Variants in ACAN observed in about 807,000 individuals in gnomAD.
ACAN encodes the protein aggrecan core protein.
A neutral mutation model predicts 169.1 loss-of-function variants in ACAN; 47 were observed. That is an observed-to-expected ratio of 0.28 (90% CI 0.22 to 0.35). The LOEUF is 0.35. Among genes scored for constraint, ACAN ranks in the 10% least tolerant of loss-of-function variants. The pLI, the probability that ACAN is intolerant of heterozygous loss-of-function variation, is 1.00. For synonymous variants in ACAN, 1,115 were observed against 1,112.2 expected, an observed-to-expected ratio of 1.00 and a Z score of -0.05; for missense variants, 2,716 against 2,759.9, an observed-to-expected ratio of 0.98 and a Z score of 0.36.
In ACAN at chr15:88,854,987, C is replaced by T. The variant is rs766827687; in HGVS notation, c.2402C>T (p.Pro801Leu). 1.3e-6 allele frequency: 2 copies of T among 1,597,974 alleles called. No homozygotes were observed. Among genetic ancestry groups the T allele is most frequent in the South Asian group, 2.3e-5 (2 of 87,706 alleles). Residue 801 changes from proline to leucine, a missense_variant, in exon 12 of 19, where the codon CCC becomes CTC. By Grantham distance (98) the Pro-to-Leu change is moderately conservative. Around this residue, in one of 3 missense-constraint regions of ACAN, gnomAD observed 1,283 missense variants for 1,281.5 expected, o/e 1.00. Coordinates refer to ENST00000560601, the MANE Select transcript of ACAN (RefSeq NM_001369268.1). ...CCATTCCCCTCAGAGGAGCCATCCC[C>T]CTCAGAGGAACCATTCCCCTCAGTG... ...EVPFPSEEPS[P>L]SEEPFPSVRP... is the part of the protein sequence containing the mutation.
At chr15:88,863,675 G>A (rs1371214692) in intron 13 of ACAN, among the ~76,000 whole-genome samples, 1 of 152,116 alleles carries the variant, frequency 6.6e-6, no homozygotes, top group African/African-American at 2.4e-5. Context: ...TCAGTTTCTA[G>A]GTTTGAAGCT....
In ACAN at chr15:88,858,864, A is replaced by G. The variant is rs774155114; in HGVS notation, c.6279A>G (p.Val2093=). The G allele has an allele frequency of 5.0e-6, 8 of 1,612,480 alleles. No homozygotes were observed. The highest frequency in any genetic ancestry group is 6.8e-6 in the Non-Finnish European group (8 of 1,178,940). Residue 2093 remains valine (V), a synonymous_variant, in exon 12 of 19, where the codon GTA becomes GTG. Transcript: ENST00000560601. This position sits in a 1 kb window ranked among gnomAD's most constrained non-coding sequence, Gnocchi z 4.0. ...TPVLPGSGVE[V]SSVPESSSET... ...TGCTCCCTGGGTCTGGAGTAGAAGT[A>G]TCATCAGTCCCAGAATCTAGCAGTG...
Position 88,858,839 on chromosome 15 carries a change from T to C in ACAN, c.6254T>C (p.Val2085Ala), listed in dbSNP as rs1567188035. The C allele has an allele frequency of 3.7e-6, 6 of 1,613,546 alleles. No individual in the cohort carries two copies. Among genetic ancestry groups the C allele is most frequent in the Non-Finnish European group, 5.1e-6 (6 of 1,179,760 alleles). The stretch of plus-strand genomic sequence containing the variant: ...GGGGACATTAGTGGAGCTACCCCAG[T>C]GCTCCCTGGGTCTGGAGTAGAAGTA... ...TAGDISGATP[V>A]LPGSGVEVSS... Residue 2085 changes from valine to alanine, a missense_variant, in exon 12 of 19, where the codon GTG becomes GCG. Val to Ala is a moderately conservative substitution (Grantham distance 64). Around this residue, in one of 3 missense-constraint regions of ACAN, gnomAD observed 1,389 missense variants for 1,363.7 expected, o/e 1.02. Transcript: ENST00000560601. The surrounding 1 kb of genome is among the most constrained non-coding windows in gnomAD (Gnocchi z 4.0).
At position 88,861,407 on chromosome 15, in the gene ACAN, G is replaced by A. The variant is rs1437205689; in HGVS notation, c.6946+968G>A. ...ACCTCATGTCGGGCAATTATCCTTC[G>A]ATAGCCTTTACATCAAACACAGAGA... On this transcript the variant is annotated intron_variant, in intron 13 of 18. Coordinates refer to ENST00000560601, the MANE Select transcript of ACAN (RefSeq NM_001369268.1). This position sits in a 1 kb window ranked among gnomAD's most constrained non-coding sequence, Gnocchi z 6.3. 6.6e-6 allele frequency among the ~76,000 whole-genome samples: 1 copy of A among 151,994 alleles called. No individual in the cohort carries two copies. The highest frequency in any genetic ancestry group is 1.5e-5 in the Non-Finnish European group (1 of 68,018).
Position 88,807,026 on chromosome 15 carries a change from A to G in ACAN, c.-8+3217A>G, listed in dbSNP as rs146910859. ...ATATATACAAATTTGATATTTGCAT[A>G]TATTTTTATTTAATTTTTTTTTTAC... On this transcript the variant is annotated intron_variant, in intron 1 of 18. Coordinates refer to ENST00000560601, the MANE Select transcript of ACAN (RefSeq NM_001369268.1). This position sits in a 1 kb window ranked among gnomAD's most constrained non-coding sequence, Gnocchi z 4.0. 3.3e-5 allele frequency among the ~76,000 whole-genome samples: 5 copies of G among 151,576 alleles called. No individual in the cohort carries two copies. In the East Asian group the frequency reaches 9.7e-4, roughly 29 times the overall value.
In ACAN at chr15:88,858,433, A is replaced by G. The variant is rs1307178205; in HGVS notation, c.5848A>G (p.Thr1950Ala). 2.5e-5 allele frequency: 40 copies of G among 1,613,704 alleles called. No individual in the cohort carries two copies. The highest frequency in any genetic ancestry group is 3.2e-5 in the Non-Finnish European group (38 of 1,179,890). ...TLVESVTQAP[T>A]AQEAGEGPSG... The stretch of plus-strand genomic sequence containing the variant: ...GGTGGAATCTGTAACCCAGGCTCCA[A>G]CAGCCCAAGAGGCAGGAGAAGGGCC... The change falls in exon 12 of 19, where the codon ACA becomes GCA. Residue 1950 changes from threonine to alanine, a missense_variant. Around this residue, in one of 3 missense-constraint regions of ACAN, gnomAD observed 1,389 missense variants for 1,363.7 expected, o/e 1.02. Transcript: ENST00000560601. The surrounding 1 kb of genome is among the most constrained non-coding windows in gnomAD (Gnocchi z 4.0).
chr15:88,824,516 A>C (rs1334406056), intron 1 of ACAN, among the ~76,000 whole-genome samples: 1 of 152,156 alleles, frequency 6.6e-6, no homozygotes, highest in Non-Finnish European at 1.5e-5. Flanking sequence ...CCCTGCCCTC[A>C]TGGGGTGTAT....
rs1311025520 is a variant in ACAN at position 88,841,744 on chromosome 15, C to G, written c.634C>G (p.Pro212Ala). The G allele has an allele frequency of 2.5e-6, 4 of 1,613,876 alleles. No homozygotes were observed. Among genetic ancestry groups the G allele is most frequent in the Non-Finnish European group, 3.4e-6 (4 of 1,179,862 alleles). Reference sequence around the variant, plus strand: ...TCCATTTCGGGTTCCTGGCAGATACCCCATCCACACTCCCCGGGAAGGCTG... The same window carrying G: ...TCCATTTCGGGTTCCTGGCAGATACGCCATCCACACTCCCCGGGAAGGCTG... ...GWLADQTVRY[P>A]IHTPREGCYG... Residue 212 changes from proline (P) to alanine (A), a missense_variant, in exon 5 of 19, where the codon CCC (proline) becomes GCC (alanine). Pro to Ala is a conservative substitution (Grantham distance 27, BLOSUM62 -1). Around this residue, in one of 3 missense-constraint regions of ACAN, gnomAD observed 1,283 missense variants for 1,281.5 expected, o/e 1.00. Transcript: ENST00000560601.
chr15:88,848,443 A>G (rs1567180484), intron 9 of ACAN, among the ~76,000 whole-genome samples: 1 of 151,660 alleles, frequency 6.6e-6, no homozygotes, highest in Non-Finnish European at 1.5e-5. Flanking sequence ...TAGGCTGGGC[A>G]CAGTGGCTCA....
At chr15:88,847,652 C>T (rs186603899) in intron 8 of ACAN, among the ~76,000 whole-genome samples, 18 of 152,310 alleles carry the variant, frequency 1.2e-4, no homozygotes, top group Admixed American at 9.1e-4. Context: ...TCAAGTGCCC[C>T]GTTCCCCTCC....
chr15:88,839,574 G>A lies in ACAN; in HGVS notation c.455-438G>A, dbSNP rs1896596206. On this transcript the variant is annotated intron_variant, in intron 3 of 18. Coordinates refer to ENST00000560601, the MANE Select transcript of ACAN (RefSeq NM_001369268.1). The surrounding 1 kb of genome is among the most constrained non-coding windows in gnomAD (Gnocchi z 4.5). The stretch of plus-strand genomic sequence containing the variant: ...AACACCAGATTTTTCCCAGGGGGAG[G>A]TACAGTGGGAGACTCTGTCAAAGAC... 6.6e-6 allele frequency among the ~76,000 whole-genome samples: 1 copy of A among 152,202 alleles called. No individual in the cohort carries two copies. The highest frequency in any genetic ancestry group is 1.5e-5 in the Non-Finnish European group (1 of 68,030).
chr15:88,806,647 C>T (rs1895690606), intron 1 of ACAN, among the ~76,000 whole-genome samples: 2 of 152,302 alleles, frequency 1.3e-5, no homozygotes, highest in Admixed American at 1.3e-4. Context: ...CATGCCCAGC[C>T]AGTGAATTTC....
chr15:88,864,783 C>T (rs1897255496), intron 13 of ACAN, among the ~76,000 whole-genome samples: 2 of 152,138 alleles, frequency 1.3e-5, no homozygotes, highest in African/African-American at 4.8e-5. Context: ...CCATCCTTGC[C>T]CAGGAAAGTT....
Position 88,873,054 on chromosome 15 carries a change from G to A in ACAN, c.7447+29G>A, listed in dbSNP as rs1449372534. On this transcript the variant is annotated intron_variant, in intron 17 of 18. Coordinates refer to ENST00000560601, the MANE Select transcript of ACAN (RefSeq NM_001369268.1). The surrounding 1 kb of genome is among the most constrained non-coding windows in gnomAD (Gnocchi z 7.5). Reference sequence around the variant, plus strand: ...AGCTGGCGCCTGGGAGGGGTCAGGGGAGGATAGGATCAAGACCTCCAGCTA... The same window carrying A: ...AGCTGGCGCCTGGGAGGGGTCAGGGAAGGATAGGATCAAGACCTCCAGCTA... The A allele has an allele frequency of 6.2e-7, 1 of 1,606,190 alleles. No homozygotes were observed. The highest frequency in any genetic ancestry group is 8.5e-7 in the Non-Finnish European group (1 of 1,176,258).
At position 88,851,166 on chromosome 15, in the gene ACAN, A is replaced by C. The variant is rs1896921636; in HGVS notation, c.2027-628A>C. ...CCTTGTGTATTATCCTGCACAGTTC[A>C]GCTTCCTTGCTGACCAAGCCCACTG... On this transcript the variant is annotated intron_variant, in intron 10 of 18. Coordinates refer to ENST00000560601, the MANE Select transcript of ACAN (RefSeq NM_001369268.1). This position sits in a 1 kb window ranked among gnomAD's most constrained non-coding sequence, Gnocchi z 4.3. 6.5e-6 allele frequency: 1 copy of C among 153,764 alleles called. No homozygotes were observed. The highest frequency in any genetic ancestry group is 2.1e-4 in the South Asian group (1 of 4,876). The allele number at this position is 153,764 out of a possible 1,614,324, so 9.5% of individuals were successfully genotyped here.
At chr15:88,825,739 A>G (rs1896199180) in intron 1 of ACAN, among the ~76,000 whole-genome samples, 1 of 152,068 alleles carries the variant, frequency 6.6e-6, no homozygotes, top group South Asian at 2.1e-4. Context: ...GATTGATGTC[A>G]TCTTTTCAAG....
chr15:88,860,072 C>CTTTTTTTTTTTTTTTTTT (rs57985365), intron 12 of ACAN, among the ~76,000 whole-genome samples: 1 of 102,900 alleles, frequency 9.7e-6, no homozygotes, highest in African/African-American at 4.7e-5. Context: ...GCTGATTTTC[C>CTTTTTTTTTTTTTTTTTT]TTTTTTTTTT....
At chr15:88,826,572 C>T (rs1896228230) in intron 1 of ACAN, among the ~76,000 whole-genome samples, 1 of 151,926 alleles carries the variant, frequency 6.6e-6, no homozygotes. Flanking sequence ...ACTTGGGAAC[C>T]CCCTCCTCCA....
chr15:88,812,676 T>G (rs558093444), intron 1 of ACAN, among the ~76,000 whole-genome samples: 2 of 151,562 alleles, frequency 1.3e-5, no homozygotes, highest in South Asian at 4.2e-4. Context: ...CTTGGGAAGC[T>G]TTTCTTTTTG....
Sources: gnomAD v4.1 joint callset for allele counts (sites outside exome capture counted in the v4.1 genomes callset) on GRCh38, gnomAD v4.1.1 for gene constraint, gnomAD v4.1.1 regional missense constraint, Gnocchi (gnomAD v3.1) non-coding constraint, MANE v1.5 for transcripts, NCBI Gene and HGNC (gene_info 2026-07-23, HGNC 2026-07-21) for gene names.